The following MAP6 variants were observed in gnomAD, a reference collection of about 807,000 sequenced individuals.
MAP6 encodes microtubule-associated protein 6.
MAP6 carries 26 observed loss-of-function variants against 42.4 expected under a neutral mutation model. The ratio of observed to expected loss-of-function variants is 0.61; its 90% CI spans 0.45 to 0.85. MAP6 has a LOEUF of 0.85. Ranked by LOEUF, MAP6 falls within the 40% of genes least tolerant of loss-of-function variation. The probability of loss-of-function intolerance (pLI) is 0.00; values close to 1 mark genes in which losing one functional copy is unlikely to be tolerated. For missense variants in MAP6, 966 were observed against 1,099.0 expected (o/e 0.88, Z 1.71); for synonymous variants, 418 against 443.8 (o/e 0.94, Z 0.73).
chr11:75,639,400 C>T (rs1388500882), intron 1 of MAP6, among the ~76,000 whole-genome samples: 1 of 152,142 alleles, frequency 6.6e-6, no homozygotes, highest in Non-Finnish European at 1.5e-5. Context: ...ATCAAAGCTG[C>T]TGAATACAAA....
chr11:75,588,140 G>T lies in MAP6; in HGVS notation c.1361C>A (p.Pro454His). 6.2e-7 allele frequency: 1 copy of T among 1,613,814 alleles called. No homozygotes were observed. Residue 454 changes from proline (P) to histidine (H), a missense_variant, in exon 4 of 4, where the codon CCT becomes CAT. Around this residue, in one of 2 missense-constraint regions of MAP6, gnomAD observed 943 missense variants for 1,049.9 expected, o/e 0.90. Coordinates refer to ENST00000304771, the MANE Select transcript of MAP6 (RefSeq NM_033063.2). ...PVSDSSKTQG[P>H]VATEPDKDQG... Reference sequence around the variant, plus strand: ...ATCCTTGTCTGGCTCTGTGGCTACAGGACCTTGAGTCTTACTTGAATCACT... The same window carrying T: ...ATCCTTGTCTGGCTCTGTGGCTACATGACCTTGAGTCTTACTTGAATCACT...
chr11:75,596,485 C>G (rs1485299485), intron 3 of MAP6: 1 of 152,362 alleles, frequency 6.6e-6, no homozygotes, highest in Non-Finnish European at 1.5e-5. Context: ...GGGCCCAGGC[C>G]CCCAACAACC....
At chr11:75,655,449 G>C (rs572855397) in intron 1 of MAP6, among the ~76,000 whole-genome samples, 1 of 152,166 alleles carries the variant, frequency 6.6e-6, no homozygotes, top group Non-Finnish European at 1.5e-5. Flanking sequence ...TGATTTTAAC[G>C]TGCAGCCAGG....
intron 1 of MAP6, among the ~76,000 whole-genome samples, chr11:75,657,641 T>C (rs992057651): frequency 1.3e-5 from 2 of 152,216 alleles, no homozygotes; most frequent in Non-Finnish European, 2.9e-5. Flanking sequence ...AGATTTATCA[T>C]CTCACAGTTC....
intron 1 of MAP6, 116 bp from the exon 2 acceptor site, chr11:75,608,438 A>G: frequency 1.3e-6 from 1 of 788,530 alleles, no homozygotes; most frequent in Non-Finnish European, 2.1e-6. Flanking sequence ...CATTGACTGA[A>G]GTGTGGCTGG....
intron 1 of MAP6, among the ~76,000 whole-genome samples, chr11:75,626,968 C>T (rs1027515386): frequency 1.3e-5 from 2 of 152,124 alleles, no homozygotes; most frequent in Admixed American, 6.5e-5. Flanking sequence ...TGGCAGGAGG[C>T]GATGAGTGAA....
intron 1 of MAP6, among the ~76,000 whole-genome samples, chr11:75,648,689 A>C (rs1943601433): frequency 6.6e-6 from 1 of 152,228 alleles, no homozygotes; most frequent in Non-Finnish European, 1.5e-5. Context: ...CAAAGGTAAA[A>C]GACAAACCAC....
chr11:75,594,952 G>A (rs1216690210), intron 3 of MAP6, among the ~76,000 whole-genome samples: 3 of 152,204 alleles, frequency 2.0e-5, no homozygotes, highest in African/African-American at 7.2e-5. Flanking sequence ...CTTCAAACCA[G>A]AGAGGCTCAA....
At chr11:75,606,060 G>A in intron 2 of MAP6, 56 bp from the exon 3 acceptor site, 2 of 1,584,422 alleles carry the variant, frequency 1.3e-6, no homozygotes, top group East Asian at 2.2e-5. Context: ...GGCGTGGGAA[G>A]GAATTTAGAG....
intron 1 of MAP6, among the ~76,000 whole-genome samples, chr11:75,625,059 G>A (rs1308783812): frequency 6.6e-6 from 1 of 152,196 alleles, no homozygotes; most frequent in Non-Finnish European, 1.5e-5. Flanking sequence ...GGTGCTCTGG[G>A]AGTTCAAGGG....
chr11:75,622,189 C>A (rs1943123069), intron 1 of MAP6, among the ~76,000 whole-genome samples: 1 of 151,956 alleles, frequency 6.6e-6, no homozygotes, highest in African/African-American at 2.4e-5. Flanking sequence ...TTTAAAAGTT[C>A]ATTCACAATA....
intron 1 of MAP6, among the ~76,000 whole-genome samples, chr11:75,608,758 T>C (rs1407317153): frequency 6.6e-6 from 1 of 152,228 alleles, no homozygotes; most frequent in African/African-American, 2.4e-5. Context: ...GTCTGATATA[T>C]TGTGGCATAT....
At chr11:75,603,861 AATCCAAATTGTGGCTAGC>A in intron 3 of MAP6, 1 of 985,476 alleles carries the variant, frequency 1.0e-6, no homozygotes, top group Non-Finnish European at 1.2e-6. Context: ...TCTATGGAGA[AATCCAAATTGTGGCTAGC>A]ATCAACATGT....
chr11:75,587,494 T>C lies in MAP6; in HGVS notation c.2007A>G (p.Val669=). 1 of 1,614,118 alleles carries C rather than the reference T, an allele frequency of 6.2e-7. No individual in the cohort carries two copies. Among genetic ancestry groups the C allele is most frequent in the Non-Finnish European group, 8.5e-7 (1 of 1,180,012 alleles). ...CTGAGACCACTAAACCTTGATTCTT[T>C]ACAGGCTCAGAGACCATGGAACCTT... ...KNQGSMVSEP[V]KNQGLVVSGP... Residue 669 remains valine, a synonymous_variant, in exon 4 of 4, where the codon GTA becomes GTG. Transcript: ENST00000304771.
In MAP6 at chr11:75,587,697, G is replaced by A. The variant is rs199852088; in HGVS notation, c.1804C>T (p.Pro602Ser). 3 of 1,613,358 alleles carry A rather than the reference G, an allele frequency of 1.9e-6. No individual in the cohort carries two copies. The highest frequency in any genetic ancestry group is 2.7e-5 in the African/African-American group (2 of 74,842). The change falls in exon 4 of 4, where the codon CCT becomes TCT. Residue 602 changes from proline (P) to serine (S), a missense_variant. Transcript: ENST00000304771. ...ACTATGGGACCTTGATCCTTGACAG[G>A]TGCTGAGACCATGGGACCTTGATCC... ...VKDQGPMVSA[P>S]VKDQGPIVPA...
intron 1 of MAP6, among the ~76,000 whole-genome samples, chr11:75,650,879 G>T (rs1455718826): frequency 1.3e-5 from 2 of 152,104 alleles, no homozygotes; most frequent in Admixed American, 1.3e-4. Context: ...TTTCTCTTGT[G>T]TTCCTTACCT....
chr11:75,657,665 T>C (rs1246485229), intron 1 of MAP6, among the ~76,000 whole-genome samples: 1 of 152,214 alleles, frequency 6.6e-6, no homozygotes, highest in Admixed American at 6.5e-5. Context: ...CATTCAGAAG[T>C]CCAAAATGGG....
chr11:75,657,922 A>G (rs1024853291), intron 1 of MAP6, among the ~76,000 whole-genome samples: 4 of 152,334 alleles, frequency 2.6e-5, no homozygotes, highest in Admixed American at 2.6e-4. Flanking sequence ...TAACTTAATG[A>G]CACCTGTAAA....
intron 1 of MAP6, chr11:75,638,581 A>T (rs1405574169): frequency 6.6e-6 from 1 of 152,214 alleles, no homozygotes; most frequent in Admixed American, 6.5e-5. Flanking sequence ...CTTTTCAAAA[A>T]TATCTGAAAC....
Sources: gnomAD v4.1 joint callset for allele counts (sites outside exome capture counted in the v4.1 genomes callset) on GRCh38, gnomAD v4.1.1 for gene constraint, gnomAD v4.1.1 regional missense constraint, MANE v1.5 for transcripts, NCBI Gene and HGNC (gene_info 2026-07-23, HGNC 2026-07-21) for gene names.